Variants in STRBP observed in about 807,000 individuals in gnomAD.
STRBP encodes spermatid perinuclear RNA-binding protein.
A neutral mutation model predicts 80.1 loss-of-function variants in STRBP; 13 were observed. The observed-to-expected ratio is 0.16, with a 90% CI of 0.11 to 0.26. The LOEUF is 0.26. Among genes scored for constraint, STRBP ranks in the 10% least tolerant of loss-of-function variants. STRBP has a pLI of 1.00. For missense variants in STRBP, 485 were observed against 815.2 expected (o/e 0.59, Z 4.93); for synonymous variants, 284 against 291.2 (o/e 0.98, Z 0.25).
At position 123,193,667 on chromosome 9, in the gene STRBP, C is replaced by T. The variant is rs116749777; in HGVS notation, c.-164-9369G>A. On this transcript the variant is annotated intron_variant, in intron 2 of 18. Transcript: ENST00000348403. ...CCTATTTTAGACAAACACGCCCCAC[C>T]GGGACCTACAATCGCTAATGCTACC... 1.5e-3 allele frequency among the ~76,000 whole-genome samples: 229 copies of T among 152,144 alleles called. 2 individuals carry two copies. Among genetic ancestry groups the T allele is most frequent in the African/African-American group, 4.9e-3 (204 of 41,526 alleles).
At chr9:123,171,554 G>A (rs1001908392) in intron 5 of STRBP, among the ~76,000 whole-genome samples, 1 of 152,122 alleles carries the variant, frequency 6.6e-6, no homozygotes, top group Non-Finnish European at 1.5e-5. Context: ...AATATTATTA[G>A]TAACAATACA....
At chr9:123,215,294 C>G (rs145217570) in intron 2 of STRBP, among the ~76,000 whole-genome samples, 5 of 132,174 alleles carry the variant, frequency 3.8e-5, no homozygotes, top group African/African-American at 1.8e-4. Context: ...TGGGCTCAAG[C>G]GATTCTCCAG....
chr9:123,181,953 C>T (rs755486694), intron 3 of STRBP, among the ~76,000 whole-genome samples: 4 of 151,310 alleles, frequency 2.6e-5, no homozygotes, highest in Non-Finnish European at 4.4e-5. Flanking sequence ...CAGTGGCTCA[C>T]GCCTGTAATC....
intron 11 of STRBP, among the ~76,000 whole-genome samples, chr9:123,157,331 T>C (rs936564239): frequency 6.6e-6 from 1 of 152,230 alleles, no homozygotes; most frequent in African/African-American, 2.4e-5. Context: ...TCCTAGCTTA[T>C]CGCTGATTTC....
At chr9:123,151,223 A>G (rs1473868534) in intron 11 of STRBP, among the ~76,000 whole-genome samples, 1 of 152,232 alleles carries the variant, frequency 6.6e-6, no homozygotes, top group South Asian at 2.1e-4. Flanking sequence ...TCTATAAATG[A>G]AAAATATAAA....
At chr9:123,231,026 C>T (rs1465431884) in intron 2 of STRBP, among the ~76,000 whole-genome samples, 1 of 152,160 alleles carries the variant, frequency 6.6e-6, no homozygotes, top group Non-Finnish European at 1.5e-5. Flanking sequence ...CTTTCTGCAA[C>T]CCAGTGGTTC....
intron 2 of STRBP, among the ~76,000 whole-genome samples, chr9:123,235,002 G>A (rs910377835): frequency 2.7e-5 from 4 of 148,316 alleles, no homozygotes; most frequent in Admixed American, 6.7e-5. Flanking sequence ...TTTTTGGGGG[G>A]GGGGGGTACT....
chr9:123,237,578 G>A (rs1032716649), intron 1 of STRBP, among the ~76,000 whole-genome samples: 28 of 151,588 alleles, frequency 1.8e-4, no homozygotes, highest in African/African-American at 6.6e-4. Flanking sequence ...GAACAACCTT[G>A]AAAGCTGTGC....
intron 2 of STRBP, among the ~76,000 whole-genome samples, chr9:123,116,536 G>C (rs2035648329): frequency 6.6e-6 from 1 of 152,178 alleles, no homozygotes; most frequent in Non-Finnish European, 1.5e-5. Context: ...ACTAACAAAG[G>C]AACAGAAAAA....
chr9:123,252,578 T>A (rs2040939689), intron 1 of STRBP, among the ~76,000 whole-genome samples: 1 of 152,218 alleles, frequency 6.6e-6, no homozygotes, highest in Non-Finnish European at 1.5e-5. Flanking sequence ...TTTAAAAGCT[T>A]AAAATCCATT....
chr9:123,258,141 C>T (rs2041076725), intron 1 of STRBP, among the ~76,000 whole-genome samples: 1 of 152,088 alleles, frequency 6.6e-6, no homozygotes, highest in African/African-American at 2.4e-5. Flanking sequence ...CATTCAAATA[C>T]TCGGGTTCCT....
chr9:123,160,311 A>C (rs1214354536), intron 8 of STRBP, 56 bp downstream of exon 8: 3 of 1,298,488 alleles, frequency 2.3e-6, no homozygotes, highest in Non-Finnish European at 3.2e-6. Context: ...TCATTTCTAC[A>C]GGATTTTCTC....
intron 1 of STRBP, among the ~76,000 whole-genome samples, chr9:123,252,267 C>T (rs1332618951): frequency 6.6e-6 from 1 of 152,172 alleles, no homozygotes; most frequent in Admixed American, 6.5e-5. Flanking sequence ...TCCTATAACA[C>T]GGACCATTTG....
chr9:123,201,055 G>T (rs2039308835), intron 2 of STRBP, among the ~76,000 whole-genome samples: 1 of 152,010 alleles, frequency 6.6e-6, no homozygotes, highest in African/African-American at 2.4e-5. Flanking sequence ...ATGATCTTTT[G>T]TATTTCTGTG....
intron 5 of STRBP, among the ~76,000 whole-genome samples, chr9:123,170,431 A>G (rs1255294764): frequency 2.0e-5 from 3 of 152,238 alleles, no homozygotes. Context: ...GCTCTCCAAA[A>G]CAATAGCTCT....
intron 2 of STRBP, among the ~76,000 whole-genome samples, chr9:123,219,707 T>C (rs2040010030): frequency 6.6e-6 from 1 of 152,212 alleles, no homozygotes; most frequent in African/African-American, 2.4e-5. Flanking sequence ...CAGACTTGGA[T>C]TTAAATCCAC....
chr9:123,181,179 C>T (rs1235223605), intron 3 of STRBP, among the ~76,000 whole-genome samples: 1 of 152,200 alleles, frequency 6.6e-6, no homozygotes, highest in Non-Finnish European at 1.5e-5. Context: ...TCTTGCTCAA[C>T]ATCCACAACC....
Position 123,237,493 on chromosome 9 carries a change from G to A in STRBP, c.-301-527C>T, listed in dbSNP as rs1014143577. ...CAATGAGACTAAGCCTTCAGCAATG[G>A]GAGGAGAAATTATATTTGTACAACT... is the stretch of plus-strand genomic sequence containing the variant. On this transcript the variant is annotated intron_variant, in intron 1 of 18. Transcript: ENST00000348403. 3.3e-5 allele frequency among the ~76,000 whole-genome samples: 5 copies of A among 151,924 alleles called. No individual in the cohort carries two copies. In the East Asian group the frequency reaches 9.6e-4, roughly 29 times the overall value.
intron 1 of STRBP, among the ~76,000 whole-genome samples, chr9:123,257,773 C>T (rs896901464): frequency 6.6e-6 from 1 of 152,162 alleles, no homozygotes; most frequent in African/African-American, 2.4e-5. Flanking sequence ...GCCGTGATCA[C>T]ACCACTGCAC....
Sources: allele counts gnomAD v4.1 joint callset (sites outside exome capture counted in the v4.1 genomes callset), GRCh38; gene constraint gnomAD v4.1.1; transcripts MANE v1.5; gene names NCBI Gene and HGNC (gene_info 2026-07-23, HGNC 2026-07-21).